Variants in HECW2 observed in about 807,000 individuals in gnomAD.
HECW2 encodes the protein HECT, C2 and WW domain containing E3 ubiquitin protein ligase 2, also known as E3 ubiquitin-protein ligase HECW2.
In HECW2, 61 loss-of-function variants were observed where a neutral mutation model predicts 175.2. The observed-to-expected ratio is 0.35, with a 90% confidence interval of 0.28 to 0.43. HECW2 has a LOEUF of 0.43. Among genes scored for constraint, HECW2 ranks in the 20% least tolerant of loss-of-function variants. The pLI is 1.00. For missense variants in HECW2, 1,524 were observed against 2,000.5 expected (o/e 0.76, Z 4.54); for synonymous variants, 671 against 731.0 (o/e 0.92, Z 1.32).
At chr2:196,506,311 G>A (rs62184698) in intron 1 of HECW2, among the ~76,000 whole-genome samples, 1 of 152,118 alleles carries the variant, frequency 6.6e-6, no homozygotes, top group Non-Finnish European at 1.5e-5. Context: ...ACAGAATCTA[G>A]AAAACAAATC....
intron 2 of HECW2, among the ~76,000 whole-genome samples, chr2:196,397,099 G>C (rs886562605): frequency 6.6e-6 from 1 of 150,820 alleles, no homozygotes; most frequent in African/African-American, 2.4e-5. Flanking sequence ...GGGACAGAGC[G>C]AGACTCCGTC....
At position 196,228,273 on chromosome 2, in the gene HECW2, A is replaced by T. The variant is rs1227265104; in HGVS notation, c.3765-19T>A. On this transcript the variant is annotated intron_variant, in intron 21 of 28. Coordinates refer to ENST00000644978, the MANE Select transcript of HECW2 (RefSeq NM_001348768.2). ...ATCCAGCCTGTAACAAAAATCCACA[A>T]AAAGAATAATCTGTTACTTTTTTTC... is the stretch of plus-strand genomic sequence containing the variant. The T allele has an allele frequency of 6.3e-7, 1 of 1,585,002 alleles. No homozygotes were observed. Among genetic ancestry groups the T allele is most frequent in the Admixed American group, 1.9e-5 (1 of 51,614 alleles).
intron 1 of HECW2, among the ~76,000 whole-genome samples, chr2:196,545,105 G>A (rs1689367454): frequency 6.6e-6 from 1 of 152,192 alleles, no homozygotes; most frequent in South Asian, 2.1e-4. Context: ...ACTGCTTCCT[G>A]TAAGCTCATC....
chr2:196,423,315 A>G (rs1695454177), intron 2 of HECW2, among the ~76,000 whole-genome samples: 2 of 152,058 alleles, frequency 1.3e-5, no homozygotes, highest in African/African-American at 4.8e-5. Flanking sequence ...AAATGGAGAA[A>G]TTCAGGTTTA....
At chr2:196,384,213 G>A (rs1471317616) in intron 2 of HECW2, among the ~76,000 whole-genome samples, 3 of 152,054 alleles carry the variant, frequency 2.0e-5, no homozygotes, top group Non-Finnish European at 2.9e-5. Context: ...CCCTTTCCAT[G>A]GGCTTTAATT....
At chr2:196,522,607 G>T (rs1469506190) in intron 1 of HECW2, among the ~76,000 whole-genome samples, 6 of 152,106 alleles carry the variant, frequency 3.9e-5, no homozygotes, top group South Asian at 4.2e-4. Context: ...TTTTTATGGT[G>T]TTAGGTCTAA....
At chr2:196,461,180 G>A (rs1456783659) in intron 1 of HECW2, among the ~76,000 whole-genome samples, 1 of 150,820 alleles carries the variant, frequency 6.6e-6, no homozygotes, top group Non-Finnish European at 1.5e-5. Context: ...GAGGGAGGGA[G>A]AAAGAAAGGC....
chr2:196,334,459 T>C lies in HECW2; in HGVS notation c.460A>G (p.Thr154Ala). 1.9e-6 allele frequency: 3 copies of C among 1,609,052 alleles called. No homozygotes were observed. The highest frequency in any genetic ancestry group is 1.7e-6 in the Non-Finnish European group (2 of 1,178,158). The change falls in exon 4 of 29, where the codon ACC (threonine) becomes GCC (alanine). Residue 154 changes from threonine to alanine, a missense_variant. This residue lies in a region of HECW2 where 135 missense variants were observed against 214.6 expected (regional missense o/e 0.63). Coordinates refer to ENST00000644978, the MANE Select transcript of HECW2 (RefSeq NM_001348768.2). ...GGGTTCTTCACGGTGATGCAGGGGG[T>C]CGTGGCTCGCAGGGCTCCACTAATG... ...HGISGALRAT[T>A]PCITVKNPAV...
At chr2:196,287,793 T>C (rs546295993) in intron 14 of HECW2, among the ~76,000 whole-genome samples, 1 of 152,266 alleles carries the variant, frequency 6.6e-6, no homozygotes, top group Admixed American at 6.5e-5. Context: ...GTGCCTTTCC[T>C]TTGGGTGTTT....
chr2:196,582,662 C>T (rs919044663), intron 1 of HECW2, among the ~76,000 whole-genome samples: 5 of 152,186 alleles, frequency 3.3e-5, no homozygotes, highest in African/African-American at 7.2e-5. Context: ...AGCCAGGTAT[C>T]AAAACCACCT....
chr2:196,355,391 T>C (rs939112054), intron 2 of HECW2, among the ~76,000 whole-genome samples: 1 of 152,214 alleles, frequency 6.6e-6, no homozygotes. Context: ...GTAAACACCT[T>C]AGCACAAGAT....
chr2:196,347,386 A>C lies in HECW2; in HGVS notation c.293-3622T>G, dbSNP rs576878923. On this transcript the variant is annotated intron_variant, in intron 2 of 28. Transcript: ENST00000644978. ...ATTTTTGTATTTTTCAAAATACAAA[A>C]TACAAAATAGAGATGAGGTTTCACC... 3.9e-5 allele frequency among the ~76,000 whole-genome samples: 6 copies of C among 152,246 alleles called. No individual in the cohort carries two copies. In the South Asian group the frequency reaches 8.3e-4, roughly 21 times the overall value.
intron 14 of HECW2, among the ~76,000 whole-genome samples, chr2:196,286,263 A>G (rs1412476695): frequency 6.6e-6 from 1 of 152,046 alleles, no homozygotes; most frequent in Non-Finnish European, 1.5e-5. Flanking sequence ...ACATTTCCCA[A>G]CTTACAGCTG....
At chr2:196,274,218 C>G (rs148261278) in intron 15 of HECW2, 95 bp from the exon 16 acceptor site, 1 of 819,074 alleles carries the variant, frequency 1.2e-6, no homozygotes, top group East Asian at 2.6e-5. Flanking sequence ...TAACAATGAG[C>G]ATAGTGAAGT....
At position 196,318,960 on chromosome 2, in the gene HECW2, A is replaced by G; in HGVS notation, c.1930T>C (p.Ser644Pro). ...GESDLECADS[S>P]CNESVTTQLS... ...TGCGTGGTCACACTCTCATTGCAGG[A>G]GCTGTCAGCGCATTCCAGGTCACTC... Residue 644 changes from serine to proline, a missense_variant, in exon 9 of 29, where the codon TCC becomes CCC. Physicochemically the swap from Ser to Pro is moderately conservative, Grantham distance 74 (BLOSUM62 -1). Transcript: ENST00000644978. 6.2e-7 allele frequency: 1 copy of G among 1,611,980 alleles called. No homozygotes were observed. The highest frequency in any genetic ancestry group is 8.5e-7 in the Non-Finnish European group (1 of 1,178,892).
intron 10 of HECW2, among the ~76,000 whole-genome samples, chr2:196,310,519 A>G (rs16849380): frequency 0.043 from 6,495 of 152,316 alleles, 442 homozygotes; most frequent in African/African-American, 0.15. Flanking sequence ...TGTTGTATCT[A>G]TCAAAGTTAC....
intron 2 of HECW2, among the ~76,000 whole-genome samples, chr2:196,413,921 T>C (rs953938808): frequency 2.0e-5 from 3 of 152,154 alleles, no homozygotes; most frequent in African/African-American, 7.2e-5. Flanking sequence ...TAGTGACAGA[T>C]GACCTCATTT....
At chr2:196,323,926 T>G (rs1316939180) in intron 6 of HECW2, among the ~76,000 whole-genome samples, 63 of 149,014 alleles carry the variant, frequency 4.2e-4, no homozygotes, top group South Asian at 2.3e-3. Flanking sequence ...TTTGTTTTTT[T>G]TTTTTTTTTT....
At chr2:196,541,332 TGA>T (rs1689204555) in intron 1 of HECW2, among the ~76,000 whole-genome samples, 2 of 152,046 alleles carry the variant, frequency 1.3e-5, no homozygotes, top group African/African-American at 4.8e-5. Flanking sequence ...ACAGAAAATT[TGA>T]GAGGAAAAGA....
Sources: gnomAD v4.1 joint callset for allele counts (sites outside exome capture counted in the v4.1 genomes callset) on GRCh38, gnomAD v4.1.1 for gene constraint, gnomAD v4.1.1 regional missense constraint, MANE v1.5 for transcripts, NCBI Gene and HGNC (gene_info 2026-07-23, HGNC 2026-07-21) for gene names.